The following RIN2 variants were observed in gnomAD, a reference collection of about 807,000 sequenced individuals.
RIN2 encodes RAB5 interacting protein 2.
RIN2 carries 36 observed loss-of-function variants against 78.0 expected under a neutral mutation model. The ratio of observed to expected loss-of-function variants is 0.46; its 90% confidence interval spans 0.35 to 0.61. The LOEUF is 0.61. Ranked by LOEUF, RIN2 falls within the 20% of genes least tolerant of loss-of-function variation. The pLI is 0.00. For missense variants in RIN2, 1,087 were observed against 1,159.7 expected, an observed-to-expected ratio of 0.94 and a Z score of 0.91; for synonymous variants, 466 against 466.8, an observed-to-expected ratio of 1.00 and a Z score of 0.02.
intron 2 of RIN2, among the ~76,000 whole-genome samples, chr20:19,800,708 C>T (rs898559357): frequency 1.3e-5 from 2 of 152,160 alleles, no homozygotes; most frequent in African/African-American, 2.4e-5. Flanking sequence ...ATAAGCTGTC[C>T]CTGCTAAACC....
intron 2 of RIN2, chr20:19,823,889 C>T (rs1233318617): frequency 1.8e-5 from 29 of 1,600,964 alleles, no homozygotes; most frequent in African/African-American, 2.7e-5. Flanking sequence ...ACTTCACCTC[C>T]GGTGCACCTC....
chr20:20,000,941 C>T lies in RIN2; in HGVS notation c.*5C>T. On this transcript the variant is annotated 3_prime_UTR_variant, in exon 13 of 13. Coordinates refer to ENST00000255006, the MANE Select transcript of RIN2 (RefSeq NM_018993.4). ...GAAGACCTCACCACCTCCTAGAAGA[C>T]AGGCGGGACTTCCCAGTGGTGCATC... The T allele has an allele frequency of 6.2e-7, 1 of 1,602,804 alleles. No individual in the cohort carries two copies. Among genetic ancestry groups the T allele is most frequent in the Non-Finnish European group, 8.5e-7 (1 of 1,174,710 alleles).
chr20:19,883,784 C>T (rs930087309), intron 2 of RIN2, among the ~76,000 whole-genome samples: 1 of 151,524 alleles, frequency 6.6e-6, no homozygotes, highest in Non-Finnish European at 1.5e-5. Context: ...AACCAGTTTT[C>T]CAAGGAAAGA....
intron 2 of RIN2, among the ~76,000 whole-genome samples, chr20:19,834,837 C>A (rs573336467): frequency 6.6e-6 from 1 of 152,078 alleles, no homozygotes; most frequent in East Asian, 1.9e-4. Flanking sequence ...CCTGCAATCC[C>A]AGCACTTTGA....
At chr20:19,918,513 TCTA>T (rs1470916298) in intron 3 of RIN2, among the ~76,000 whole-genome samples, 2 of 152,108 alleles carry the variant, frequency 1.3e-5, no homozygotes, top group African/African-American at 2.4e-5. Context: ...AACTTTGTCA[TCTA>T]CTATGAGCCA....
At chr20:19,945,789 A>AT (rs2041066423) in intron 4 of RIN2, among the ~76,000 whole-genome samples, 1 of 152,156 alleles carries the variant, frequency 6.6e-6, no homozygotes, top group African/African-American at 2.4e-5. Context: ...AGGGGTGTCC[A>AT]TGGGAGAAAT....
At chr20:19,883,143 G>A (rs1239009432) in intron 2 of RIN2, among the ~76,000 whole-genome samples, 1 of 152,128 alleles carries the variant, frequency 6.6e-6, no homozygotes, top group East Asian at 1.9e-4. Flanking sequence ...CATATTCCAA[G>A]TGAGTTGAGT....
intron 3 of RIN2, among the ~76,000 whole-genome samples, chr20:19,911,782 C>T (rs1189335795): frequency 6.6e-6 from 1 of 152,200 alleles, no homozygotes; most frequent in Non-Finnish European, 1.5e-5. Context: ...AAAGTGCTCA[C>T]GTCAATATCC....
chr20:19,889,798 C>A, intron 3 of RIN2, 140 bp downstream of exon 3: 1 of 596,604 alleles, frequency 1.7e-6, no homozygotes, highest in Non-Finnish European at 2.8e-6. Flanking sequence ...AGCCCAGCTG[C>A]TGATTGTTAC....
chr20:19,875,316 G>C (rs112737803), intron 2 of RIN2, among the ~76,000 whole-genome samples: 1 of 152,090 alleles, frequency 6.6e-6, no homozygotes, highest in African/African-American at 2.4e-5. Flanking sequence ...ACGCTACCAT[G>C]CCCGGCTAAT....
chr20:19,844,809 C>T lies in RIN2; in HGVS notation c.-36-44757C>T, dbSNP rs192814149. On this transcript the variant is annotated intron_variant, in intron 2 of 12. Transcript: ENST00000255006. Reference sequence around the variant, plus strand: ...TGCAGGTTTGTTACATAGGTATACACGTGCCATGATGGTTTGCTGCACCAA... The same window carrying T: ...TGCAGGTTTGTTACATAGGTATACATGTGCCATGATGGTTTGCTGCACCAA... Among the ~76,000 whole-genome samples the T allele has an allele frequency of 2.8e-4, 43 of 151,572 alleles. No individual in the cohort carries two copies. The East Asian group carries it at 3.5e-3, about 12-fold the overall frequency.
chr20:19,830,481 C>T (rs536013740), intron 2 of RIN2, among the ~76,000 whole-genome samples: 1 of 152,312 alleles, frequency 6.6e-6, no homozygotes, highest in African/African-American at 2.4e-5. Context: ...CCATCAGCCA[C>T]AAGCCTCAGC....
chr20:19,839,299 T>A (rs1272304155), intron 2 of RIN2, among the ~76,000 whole-genome samples: 2 of 152,214 alleles, frequency 1.3e-5, no homozygotes. Flanking sequence ...TCCCTCCTCA[T>A]GGCAGTGAGA....
chr20:19,912,072 A>AT (rs1032307664), intron 3 of RIN2, among the ~76,000 whole-genome samples: 12 of 152,124 alleles, frequency 7.9e-5, no homozygotes, highest in African/African-American at 2.9e-4. Context: ...CAGAGTAGCC[A>AT]TTTGATGTGT....
chr20:19,890,679 C>CCAAA (rs2038409462), intron 3 of RIN2, among the ~76,000 whole-genome samples: 1 of 64,446 alleles, frequency 1.6e-5, no homozygotes, highest in African/African-American at 5.7e-5. Flanking sequence ...GTTGACTCTA[C>CCAAA]AAAAAAAAAA....
At chr20:19,854,388 T>TA (rs2037096173) in intron 2 of RIN2, among the ~76,000 whole-genome samples, 3 of 152,256 alleles carry the variant, frequency 2.0e-5, no homozygotes, top group African/African-American at 7.2e-5. Context: ...CATATGAACT[T>TA]TAAAGTAGTT....
At chr20:19,846,520 C>G (rs1056567686) in intron 2 of RIN2, among the ~76,000 whole-genome samples, 1 of 151,896 alleles carries the variant, frequency 6.6e-6, no homozygotes, top group African/African-American at 2.4e-5. Context: ...TGATTTGGCT[C>G]TCTATTATTG....
chr20:19,783,267 C>A (rs778036428), intron 1 of RIN2, among the ~76,000 whole-genome samples: 3 of 152,210 alleles, frequency 2.0e-5, no homozygotes, highest in Non-Finnish European at 4.4e-5. Flanking sequence ...ATTTATTAAT[C>A]CCACAAACAT....
intron 1 of RIN2, among the ~76,000 whole-genome samples, chr20:19,759,571 C>T (rs1167963342): frequency 6.6e-6 from 1 of 152,130 alleles, no homozygotes; most frequent in Non-Finnish European, 1.5e-5. Flanking sequence ...GTTGTTAGAA[C>T]CCTGCTTCAT....
Sources: gnomAD v4.1 joint callset for allele counts (sites outside exome capture counted in the v4.1 genomes callset) on GRCh38, gnomAD v4.1.1 for gene constraint, MANE v1.5 for transcripts, NCBI Gene and HGNC (gene_info 2026-07-23, HGNC 2026-07-21) for gene names.